The following HDAC9 variants were observed in gnomAD, a reference collection of about 807,000 sequenced individuals.
The protein encoded by HDAC9 is MEF-2 interacting transcription repressor (MITR) protein.
In HDAC9, 41 loss-of-function variants were observed where a neutral mutation model predicts 139.4. The ratio of observed to expected loss-of-function variants is 0.29; its 90% CI spans 0.23 to 0.38. HDAC9 has a LOEUF of 0.38. Among genes scored for constraint, HDAC9 ranks in the 10% least tolerant of loss-of-function variants. The pLI is 1.00. For missense variants in HDAC9, 1,147 were observed against 1,297.0 expected (o/e 0.88, Z 1.78); for synonymous variants, 517 against 476.2 (o/e 1.09, Z -1.12).
chr7:18,911,873 T>A (rs1265863171), intron 22 of HDAC9, among the ~76,000 whole-genome samples: 1 of 152,192 alleles, frequency 6.6e-6, no homozygotes, highest in Middle Eastern at 3.4e-3. Flanking sequence ...CTGATATGAT[T>A]TCAATTTTTA....
chr7:18,364,242 C>A (rs1364848064), intron 1 of HDAC9, among the ~76,000 whole-genome samples: 9 of 152,126 alleles, frequency 5.9e-5, no homozygotes, highest in African/African-American at 2.2e-4. Context: ...CTGTTCTAAT[C>A]TGGCTGTGCA....
At chr7:18,928,689 T>C (rs1804452587) in intron 22 of HDAC9, among the ~76,000 whole-genome samples, 1 of 152,138 alleles carries the variant, frequency 6.6e-6, no homozygotes, top group Non-Finnish European at 1.5e-5. Flanking sequence ...AATGTATTTT[T>C]AAAAAACCAG....
At chr7:18,143,925 G>A (rs2128112222) in intron 1 of HDAC9, among the ~76,000 whole-genome samples, 1 of 152,066 alleles carries the variant, frequency 6.6e-6, no homozygotes, top group Non-Finnish European at 1.5e-5. Flanking sequence ...CTCATTAGAA[G>A]AAGAAAAAAA....
At chr7:18,624,883 C>G (rs763408038) in intron 6 of HDAC9, among the ~76,000 whole-genome samples, 3 of 151,912 alleles carry the variant, frequency 2.0e-5, no homozygotes, top group Non-Finnish European at 2.9e-5. Context: ...ATTTTAATAT[C>G]TCTCATGACC....
chr7:18,508,295 A>C (rs906480695), intron 2 of HDAC9, among the ~76,000 whole-genome samples: 3 of 152,202 alleles, frequency 2.0e-5, no homozygotes, highest in Non-Finnish European at 4.4e-5. Context: ...CTTTCTAAAA[A>C]AAGTAGATTT....
intron 2 of HDAC9, chr7:18,517,991 TA>T (rs906203272): frequency 6.6e-6 from 1 of 152,220 alleles, no homozygotes; most frequent in African/African-American, 2.4e-5. Context: ...TGCTCACACT[TA>T]CAGTTATACA....
chr7:18,587,520 T>TA (rs1829795994), intron 3 of HDAC9, among the ~76,000 whole-genome samples: 1 of 152,228 alleles, frequency 6.6e-6, no homozygotes, highest in African/African-American at 2.4e-5. Context: ...ATTTTATTTT[T>TA]ATGAGAAAGA....
At chr7:18,357,444 G>C (rs913386487) in intron 1 of HDAC9, among the ~76,000 whole-genome samples, 15 of 151,970 alleles carry the variant, frequency 9.9e-5, no homozygotes, top group Admixed American at 8.5e-4. Flanking sequence ...GCTAGGCCTT[G>C]TTTGGTTGTT....
At chr7:18,959,288 TATTG>T (rs1439570662) in intron 24 of HDAC9, among the ~76,000 whole-genome samples, 2 of 152,300 alleles carry the variant, frequency 1.3e-5, no homozygotes, top group Non-Finnish European at 1.5e-5. Context: ...TAATGAATGA[TATTG>T]ATATTAATCT....
intron 3 of HDAC9, among the ~76,000 whole-genome samples, chr7:18,587,710 T>C (rs1829852086): frequency 6.6e-6 from 1 of 152,232 alleles, no homozygotes; most frequent in East Asian, 1.9e-4. Flanking sequence ...AGATTTACAG[T>C]CTTGCCCTGT....
chr7:18,297,935 G>A (rs1412791086), intron 1 of HDAC9, among the ~76,000 whole-genome samples: 3 of 152,188 alleles, frequency 2.0e-5, no homozygotes, highest in African/African-American at 7.2e-5. Flanking sequence ...GCCTGTGCCT[G>A]GGGGATTTCA....
At chr7:18,963,428 A>G (rs1324951966) in intron 24 of HDAC9, among the ~76,000 whole-genome samples, 1 of 152,170 alleles carries the variant, frequency 6.6e-6, no homozygotes, top group East Asian at 1.9e-4. Context: ...CAAAATATGA[A>G]CTCAAATACA....
chr7:18,924,379 T>C (rs1389485859), intron 22 of HDAC9, among the ~76,000 whole-genome samples: 1 of 152,156 alleles, frequency 6.6e-6, no homozygotes, highest in African/African-American at 2.4e-5. Flanking sequence ...TCTAATTTAA[T>C]CTAAATTAAA....
intron 22 of HDAC9, among the ~76,000 whole-genome samples, chr7:18,896,441 G>A (rs1353346706): frequency 1.3e-5 from 2 of 152,000 alleles, no homozygotes; most frequent in African/African-American, 4.8e-5. Context: ...TTCATTAAGT[G>A]CCACTGAATG....
intron 14 of HDAC9, among the ~76,000 whole-genome samples, chr7:18,757,356 G>T (rs1788968381): frequency 6.6e-6 from 1 of 152,092 alleles, no homozygotes; most frequent in South Asian, 2.1e-4. Flanking sequence ...CTTTGAAAAT[G>T]ATTAAAGAAA....
At chr7:18,438,648 G>A (rs1218203491) in intron 1 of HDAC9, among the ~76,000 whole-genome samples, 2 of 2,590 alleles carry the variant, frequency 7.7e-4, no homozygotes, top group African/African-American at 1.8e-3. Flanking sequence ...GTGTGTGCGT[G>A]TGTGTGTGTG....
At chr7:18,107,553 C>T (rs1449066599) in intron 1 of HDAC9, among the ~76,000 whole-genome samples, 1 of 152,058 alleles carries the variant, frequency 6.6e-6, no homozygotes, top group Non-Finnish European at 1.5e-5. Context: ...CAGACAGACA[C>T]CTCCTTTAAA....
In HDAC9 at chr7:18,764,626, T is replaced by A. The variant is rs530499543; in HGVS notation, c.2164+2349T>A. On this transcript the variant is annotated intron_variant, in intron 15 of 25. Coordinates refer to ENST00000686413, the MANE Select transcript of HDAC9 (RefSeq NM_178425.4). ...TTCTTCTGGCTTTTTTTATTGTTGT[T>A]GTTGTTTGTTTGTTTGTTTGTATCT... Among the ~76,000 whole-genome samples the A allele has an allele frequency of 4.6e-5, 7 of 152,304 alleles. No homozygotes were observed. The East Asian group carries it at 5.8e-4, about 13-fold the overall frequency.
intron 17 of HDAC9, among the ~76,000 whole-genome samples, chr7:18,817,387 TC>T (rs1794652959): frequency 6.6e-6 from 1 of 151,314 alleles, no homozygotes; most frequent in Non-Finnish European, 1.5e-5. Flanking sequence ...ACACACTCAT[TC>T]CCCCAAAACA....
Sources: allele counts gnomAD v4.1 joint callset (sites outside exome capture counted in the v4.1 genomes callset), GRCh38; gene constraint gnomAD v4.1.1; transcripts MANE v1.5; gene names NCBI Gene and HGNC (gene_info 2026-07-23, HGNC 2026-07-21).